ANK2: variants seen among roughly 807,000 people sequenced by gnomAD.
ANK2 encodes the protein ankyrin-2.
A neutral mutation model predicts 360.5 loss-of-function variants in ANK2; 83 were observed. That is an observed-to-expected ratio of 0.23 (90% CI 0.19 to 0.28). The LOEUF is 0.28. ANK2 is among the 10% of genes least tolerant of loss of function. The probability of loss-of-function intolerance (pLI) is 1.00; values close to 1 mark genes in which losing one functional copy is unlikely to be tolerated. For missense variants in ANK2, 4,201 were observed against 4,795.7 expected (o/e 0.88, Z 3.66); for synonymous variants, 1,740 against 1,759.5 (o/e 0.99, Z 0.28).
chr4:113,094,517 C>CGTGTGTGTGTGT (rs35254461), intron 1 of ANK2, among the ~76,000 whole-genome samples: 4 of 149,474 alleles, frequency 2.7e-5, no homozygotes, highest in African/African-American at 9.8e-5. Context: ...GGGTGCAGCA[C>CGTGTGTGTGTGT]GTGTGTGTGT....
chr4:112,759,381 G>C, the ANK2 span, among the ~76,000 whole-genome samples: 1 of 152,166 alleles, frequency 6.6e-6, no homozygotes, highest in Non-Finnish European at 1.5e-5. Context: ...CTGGCTTCAA[G>C]CGATCCTCCT....
chr4:113,287,715 C>A lies in ANK2; in HGVS notation c.2178+12C>A. 1 of 1,590,408 alleles carries A rather than the reference C, an allele frequency of 6.3e-7. No individual in the cohort carries two copies. The highest frequency in any genetic ancestry group is 1.1e-5 in the South Asian group (1 of 90,536). On this transcript the variant is annotated intron_variant, in intron 19 of 45. Transcript: ENST00000357077. ...ATGCTCATACAAAGGTAAAGCAAAT[C>A]ACTCTCAGTATTGTGACAGGTTCTG... is the stretch of plus-strand genomic sequence containing the variant.
At chr4:113,374,653 A>G in intron 45 of ANK2, 1 of 654,838 alleles carries the variant, frequency 1.5e-6, no homozygotes. Context: ...TTTTCTGGAA[A>G]GCCAGTATGT....
At chr4:113,066,960 T>A (rs2075834379) in intron 1 of ANK2, among the ~76,000 whole-genome samples, 1 of 151,900 alleles carries the variant, frequency 6.6e-6, no homozygotes, top group Non-Finnish European at 1.5e-5. Flanking sequence ...TAGTAAGCAT[T>A]ATGTGAGTGT....
At chr4:113,146,568 AT>A (rs1474096533) in intron 1 of ANK2, among the ~76,000 whole-genome samples, 1 of 152,024 alleles carries the variant, frequency 6.6e-6, no homozygotes, top group Non-Finnish European at 1.5e-5. Flanking sequence ...ATTAAATAAG[AT>A]TTATTTTTTT....
intron 1 of ANK2, among the ~76,000 whole-genome samples, chr4:112,904,013 A>G (rs186056084): frequency 5.8e-4 from 88 of 152,294 alleles, no homozygotes; most frequent in Admixed American, 2.5e-3. Flanking sequence ...GGCCACACGC[A>G]TCTGTCATTT....
At chr4:113,035,855 G>A (rs1378768373) in intron 2 of ANK2, among the ~76,000 whole-genome samples, 3 of 151,944 alleles carry the variant, frequency 2.0e-5, no homozygotes, top group Admixed American at 1.3e-4. Context: ...ATGAGAAATC[G>A]GAAAGAGGAG....
At chr4:112,942,868 C>G (rs975854008) in intron 2 of ANK2, among the ~76,000 whole-genome samples, 1 of 151,696 alleles carries the variant, frequency 6.6e-6, no homozygotes, top group African/African-American at 2.4e-5. Flanking sequence ...ATAAATTAGT[C>G]CTAACAATAT....
At chr4:113,008,054 CA>C (rs1158727336) in intron 2 of ANK2, among the ~76,000 whole-genome samples, 2 of 151,440 alleles carry the variant, frequency 1.3e-5, no homozygotes, top group Non-Finnish European at 2.9e-5. Flanking sequence ...TTACATTTTA[CA>C]GTAGTTTTAC....
chr4:113,064,741 T>C (rs1037565756), intron 1 of ANK2, among the ~76,000 whole-genome samples: 20 of 150,822 alleles, frequency 1.3e-4, no homozygotes, highest in Non-Finnish European at 3.0e-4. Context: ...CTGTAGAACT[T>C]CTAACAAAAA....
chr4:113,255,128 A>C (rs1293809104), intron 10 of ANK2, among the ~76,000 whole-genome samples: 1 of 152,182 alleles, frequency 6.6e-6, no homozygotes, highest in African/African-American at 2.4e-5. Flanking sequence ...CAACTGTAAA[A>C]GTTGTGAGGT....
intron 2 of ANK2, among the ~76,000 whole-genome samples, chr4:112,950,385 C>T (rs910096760): frequency 2.0e-5 from 3 of 152,020 alleles, no homozygotes; most frequent in Non-Finnish European, 4.4e-5. Flanking sequence ...TGGCTCACGC[C>T]CGTAATCCCA....
At chr4:113,346,047 A>G in intron 35 of ANK2, 25 bp downstream of exon 35, 1 of 1,612,162 alleles carries the variant, frequency 6.2e-7, no homozygotes, top group Non-Finnish European at 8.5e-7. Context: ...GCTATAGTGC[A>G]ATTCAGGTAG....
chr4:113,359,110 G>A lies in ANK2; in HGVS notation c.10492G>A (p.Glu3498Lys), dbSNP rs2096030888. 1 of 1,614,032 alleles carries A rather than the reference G, an allele frequency of 6.2e-7. No homozygotes were observed. The highest frequency in any genetic ancestry group is 1.1e-5 in the South Asian group (1 of 91,080). The change falls in exon 38 of 46, where the codon GAG (glutamate) becomes AAG (lysine). Residue 3498 changes from glutamate (E) to lysine (K), a missense_variant. Glu to Lys is a moderately conservative substitution (Grantham distance 56). This residue lies in a region of ANK2 where 2,642 missense variants were observed against 2,714.5 expected (regional missense o/e 0.97). Coordinates refer to ENST00000357077, the MANE Select transcript of ANK2 (RefSeq NM_001148.6). Reference sequence around the variant, plus strand: ...GGATAGGCTGACACAGTCAGAGAGGGAGCAGGAAATAGTTTCAGACGATGA... The same window carrying A: ...GGATAGGCTGACACAGTCAGAGAGGAAGCAGGAAATAGTTTCAGACGATGA... ...LVDRLTQSEREQEIVSDDESS... is the reference protein window; with the variant it reads ...LVDRLTQSERKQEIVSDDESS...
At chr4:113,208,261 T>C (rs2098977818) in intron 4 of ANK2, among the ~76,000 whole-genome samples, 2 of 151,870 alleles carry the variant, frequency 1.3e-5, no homozygotes, top group African/African-American at 2.4e-5. Context: ...ACCGTTGTCA[T>C]GATCTACTCC....
the ANK2 span, among the ~76,000 whole-genome samples, chr4:112,803,142 G>T: frequency 6.6e-6 from 1 of 152,148 alleles, no homozygotes; most frequent in South Asian, 2.1e-4. Context: ...ATTCCCTCGA[G>T]AATATCTATC....
the ANK2 span, among the ~76,000 whole-genome samples, chr4:112,810,149 A>G: frequency 4.3e-4 from 13 of 30,344 alleles, no homozygotes; most frequent in African/African-American, 2.0e-3. Flanking sequence ...ATATATATAT[A>G]TATATATATA....
the ANK2 span, among the ~76,000 whole-genome samples, chr4:112,782,290 G>T: frequency 6.6e-6 from 1 of 152,122 alleles, no homozygotes; most frequent in Non-Finnish European, 1.5e-5. Context: ...AAGGCAAAAT[G>T]ATTTGAGTCA....
the ANK2 span, among the ~76,000 whole-genome samples, chr4:112,741,244 G>A: frequency 6.6e-6 from 1 of 152,110 alleles, no homozygotes. Flanking sequence ...TCTTCTCCCA[G>A]GCAGAAATTC....
Sources: gnomAD v4.1 joint callset for allele counts (sites outside exome capture counted in the v4.1 genomes callset) on GRCh38, gnomAD v4.1.1 for gene constraint, gnomAD v4.1.1 regional missense constraint, MANE v1.5 for transcripts, NCBI Gene and HGNC (gene_info 2026-07-23, HGNC 2026-07-21) for gene names.